Variants in SUCLG2 observed in about 807,000 individuals in gnomAD.
The protein encoded by SUCLG2 is succinate-CoA ligase GDP-forming subunit beta, also known as succinate--CoA ligase [GDP-forming] subunit beta, mitochondrial.
SUCLG2 carries 42 observed loss-of-function variants against 47.9 expected under a neutral mutation model. The observed-to-expected ratio is 0.88, with a 90% confidence interval of 0.69 to 1.14. The LOEUF is 1.14. SUCLG2 is among the 50% of genes most tolerant of loss of function. SUCLG2 has a pLI of 0.00. For missense variants in SUCLG2, 571 were observed against 525.9 expected (o/e 1.09, Z -0.84); for synonymous variants, 195 against 197.3 (o/e 0.99, Z 0.10).
chr3:67,574,720 T>A (rs1365752859), intron 2 of SUCLG2, among the ~76,000 whole-genome samples: 1 of 152,202 alleles, frequency 6.6e-6, no homozygotes, highest in Non-Finnish European at 1.5e-5. Context: ...TTGGACTTTG[T>A]TAAAATTCAA....
At chr3:67,360,813 A>G (rs1701793342) in intron 10 of SUCLG2, 1 of 1,438,856 alleles carries the variant, frequency 6.9e-7, no homozygotes, top group Admixed American at 2.3e-5. Context: ...TTCTTGCAAT[A>G]TATTTAGATG....
chr3:67,561,534 C>A (rs1450263783), intron 2 of SUCLG2, among the ~76,000 whole-genome samples: 1 of 151,998 alleles, frequency 6.6e-6, no homozygotes, highest in Non-Finnish European at 1.5e-5. Context: ...ATAACCGTTC[C>A]AACAAAAAAT....
downstream of SUCLG2, among the ~76,000 whole-genome samples, chr3:67,372,592 A>T (rs1701969724): frequency 6.6e-6 from 1 of 152,216 alleles, no homozygotes; most frequent in Non-Finnish European, 1.5e-5. Flanking sequence ...GCAAGGAGCT[A>T]CTGCAGACAG....
chr3:67,525,608 T>C (rs1706234515), intron 4 of SUCLG2, among the ~76,000 whole-genome samples: 2 of 152,158 alleles, frequency 1.3e-5, no homozygotes, highest in South Asian at 4.1e-4. Context: ...TTGACCTAAG[T>C]CTCACAACTT....
chr3:67,420,856 T>C (rs1703142010), intron 9 of SUCLG2, among the ~76,000 whole-genome samples: 1 of 152,228 alleles, frequency 6.6e-6, no homozygotes, highest in Non-Finnish European at 1.5e-5. Context: ...CAATGAGAGT[T>C]AGTAAGAAAC....
At chr3:67,392,562 G>A (rs542494682) in intron 10 of SUCLG2, among the ~76,000 whole-genome samples, 1 of 152,118 alleles carries the variant, frequency 6.6e-6, no homozygotes, top group Non-Finnish European at 1.5e-5. Context: ...AGGATAATGT[G>A]AGTAATTGAA....
chr3:67,510,350 G>A (rs1269971744), intron 6 of SUCLG2, among the ~76,000 whole-genome samples: 5 of 152,050 alleles, frequency 3.3e-5, no homozygotes, highest in Non-Finnish European at 5.9e-5. Context: ...AGATATAAAC[G>A]AACCCACATA....
At chr3:67,415,497 T>C (rs1428975162) in intron 9 of SUCLG2, among the ~76,000 whole-genome samples, 2 of 152,216 alleles carry the variant, frequency 1.3e-5, no homozygotes, top group African/African-American at 2.4e-5. Context: ...ACAGATGGCA[T>C]ACAGTATAGA....
At chr3:67,484,880 T>G (rs1008102402) in intron 9 of SUCLG2, among the ~76,000 whole-genome samples, 1 of 152,194 alleles carries the variant, frequency 6.6e-6, no homozygotes, top group Non-Finnish European at 1.5e-5. Context: ...TTGGTGGGAA[T>G]GCACAGAGAA....
intron 2 of SUCLG2, among the ~76,000 whole-genome samples, chr3:67,560,704 G>T (rs1388416299): frequency 6.6e-6 from 1 of 152,074 alleles, no homozygotes; most frequent in African/African-American, 2.4e-5. Flanking sequence ...GCCTTTGGGA[G>T]TGTGGGAGAA....
At chr3:67,520,352 G>A (rs1167200886) in intron 5 of SUCLG2, 130 bp downstream of exon 5, 5 of 1,317,240 alleles carry the variant, frequency 3.8e-6, no homozygotes, top group African/African-American at 2.9e-5. Context: ...AAGAAAAAGG[G>A]CTCAGCATCT....
intron 2 of SUCLG2, among the ~76,000 whole-genome samples, chr3:67,569,400 AT>A (rs1025894656): frequency 1.3e-5 from 2 of 152,090 alleles, no homozygotes; most frequent in African/African-American, 4.8e-5. Context: ...ATCTGATCAT[AT>A]TTACTCTCAC....
At chr3:67,518,443 T>C in intron 5 of SUCLG2, 107 bp from the exon 6 acceptor site, 1 of 1,034,018 alleles carries the variant, frequency 9.7e-7, no homozygotes. Flanking sequence ...AATTAAAGTG[T>C]GGCATCTATC....
At chr3:67,632,436 C>T (rs1277791683) in intron 1 of SUCLG2, among the ~76,000 whole-genome samples, 2 of 152,066 alleles carry the variant, frequency 1.3e-5, no homozygotes, top group South Asian at 4.1e-4. Context: ...GCCCGCCTTG[C>T]CCTCCCAAAG....
intron 2 of SUCLG2, among the ~76,000 whole-genome samples, chr3:67,531,158 T>A (rs974722619): frequency 3.3e-5 from 5 of 152,148 alleles, no homozygotes; most frequent in African/African-American, 1.2e-4. Context: ...ATGATAGCTA[T>A]CAACATTATA....
intron 10 of SUCLG2, among the ~76,000 whole-genome samples, chr3:67,389,360 G>A (rs7647085): frequency 0.28 from 43,260 of 152,026 alleles, 6,358 homozygotes; most frequent in Middle Eastern, 0.45. Context: ...TATGAATACA[G>A]GGGGCCATCC....
chr3:67,581,341 CAT>C (rs776557640), intron 2 of SUCLG2, among the ~76,000 whole-genome samples: 23 of 152,354 alleles, frequency 1.5e-4, no homozygotes, highest in Non-Finnish European at 2.4e-4. Context: ...GTGTCACACA[CAT>C]GTCTATGGTC....
rs149563483 is a variant in SUCLG2, at chr3:67,533,701, C to T, written c.227-4515G>A. Among the ~76,000 whole-genome samples, 670 of 152,194 alleles carry T rather than the reference C, an allele frequency of 4.4e-3. 8 individuals carry two copies. The East Asian group carries it at 0.051, about 12-fold the overall frequency. On this transcript the variant is annotated intron_variant, in intron 2 of 10. Transcript: ENST00000307227. ...GGAAATGAGCTCACTTCTATGTTTG[C>T]GTTACGACTTCAGAACCCAAACATA...
At position 67,446,357 on chromosome 3, in the gene SUCLG2, A is replaced by T. The variant is rs1401217925; in HGVS notation, c.1063-45506T>A. ...TGCTGCTATAAACATTTGTATATAA[A>T]AAAAAAAAAAAAAAAAAAGAAATTA... On this transcript the variant is annotated intron_variant, in intron 9 of 10. Coordinates refer to ENST00000307227, the MANE Select transcript of SUCLG2 (RefSeq NM_003848.4). 2.7e-3 allele frequency among the ~76,000 whole-genome samples: 390 copies of T among 142,858 alleles called. 128 individuals are homozygous for T. In the East Asian group the frequency reaches 0.033, roughly 12 times the overall value. The allele number at this position is 142,858 out of a possible 152,430, so 93.7% of individuals were successfully genotyped here. A position where few individuals can be genotyped will look rare whatever the true frequency, so the allele number is the denominator to read the frequency against.
Sources: gnomAD v4.1 joint callset for allele counts (sites outside exome capture counted in the v4.1 genomes callset) on GRCh38, gnomAD v4.1.1 for gene constraint, MANE v1.5 for transcripts, NCBI Gene and HGNC (gene_info 2026-07-23, HGNC 2026-07-21) for gene names.